The following ATP6V1H variants were observed in gnomAD, a reference collection of about 807,000 sequenced individuals.
ATP6V1H encodes V-type proton ATPase subunit H.
In ATP6V1H, 39 loss-of-function variants were observed where a neutral mutation model predicts 71.7. The observed-to-expected ratio is 0.54, with a 90% CI of 0.42 to 0.71. The LOEUF is 0.71. Among genes scored for constraint, ATP6V1H ranks in the 30% least tolerant of loss-of-function variants. The pLI is 0.00. For missense variants in ATP6V1H, 509 were observed against 594.9 expected (o/e 0.86, Z 1.50); for synonymous variants, 192 against 199.3 (o/e 0.96, Z 0.31).
Position 53,841,658 on chromosome 8 carries a change from A to G in ATP6V1H, c.33T>C (p.Asp11=). 6.2e-7 allele frequency: 1 copy of G among 1,614,114 alleles called. No individual in the cohort carries two copies. Among genetic ancestry groups the G allele is most frequent in the Non-Finnish European group, 8.5e-7 (1 of 1,179,940 alleles). ...CAATAATATTGGTGGGGACAGCAGC[A>G]TCCACAGCACCTCGGATATCCATTT... MTKMDIRGAV[D]AAVPTNIIAA... is the part of the protein sequence containing the mutation. The change falls in exon 2 of 14, where the codon GAT becomes GAC. Residue 11 remains aspartate, a synonymous_variant. Transcript: ENST00000359530.
intron 9 of ATP6V1H, among the ~76,000 whole-genome samples, chr8:53,774,035 T>C (rs1340985409): frequency 6.6e-6 from 1 of 152,172 alleles, no homozygotes; most frequent in Non-Finnish European, 1.5e-5. Flanking sequence ...TGTTATGTAT[T>C]ATCAAATGGC....
chr8:53,740,233 A>G (rs1807364609), intron 13 of ATP6V1H, among the ~76,000 whole-genome samples: 2 of 152,248 alleles, frequency 1.3e-5, no homozygotes, highest in African/African-American at 4.8e-5. Context: ...AGTAACATAA[A>G]TTACACTTAA....
At chr8:53,818,584 C>T (rs1216237652) in intron 4 of ATP6V1H, among the ~76,000 whole-genome samples, 1 of 152,052 alleles carries the variant, frequency 6.6e-6, no homozygotes, top group Non-Finnish European at 1.5e-5. Flanking sequence ...TCAGATGAGC[C>T]ATCATTGCTT....
At chr8:53,842,837 T>A (rs1261759225) in intron 1 of ATP6V1H, 197 bp downstream of exon 1, 1 of 152,116 alleles carries the variant, frequency 6.6e-6, no homozygotes, top group Non-Finnish European at 1.5e-5. Flanking sequence ...TTCTTCCCCC[T>A]GCGAGAAAGG....
intron 13 of ATP6V1H, among the ~76,000 whole-genome samples, chr8:53,716,915 T>A (rs1326987664): frequency 6.6e-6 from 1 of 152,190 alleles, no homozygotes; most frequent in Non-Finnish European, 1.5e-5. Context: ...ATTTAAAAGT[T>A]TTCCTCTTAT....
Position 53,795,748 on chromosome 8 carries a change from A to C in ATP6V1H, c.769T>G (p.Cys257Gly). 6.2e-7 allele frequency: 1 copy of C among 1,614,114 alleles called. No individual in the cohort carries two copies. Among genetic ancestry groups the C allele is most frequent in the Non-Finnish European group, 8.5e-7 (1 of 1,179,988 alleles). ...ATATTATAGCGCCGCAGGTGTTCAC[A>C]CATTTGAGGACTGAATGCCAGGAGC... ...IWLLAFSPQM[C>G]EHLRRYNIIP... Residue 257 changes from cysteine to glycine, a missense_variant, in exon 9 of 14, where the codon TGT (cysteine) becomes GGT (glycine). By Grantham distance (159) the Cys-to-Gly change is radical (BLOSUM62 -3). Coordinates refer to ENST00000359530, the MANE Select transcript of ATP6V1H (RefSeq NM_015941.4).
chr8:53,782,967 C>G (rs1406560337), intron 9 of ATP6V1H, among the ~76,000 whole-genome samples: 5 of 152,146 alleles, frequency 3.3e-5, no homozygotes, highest in Admixed American at 3.3e-4. Context: ...AGGATTTTTG[C>G]ATCAATGTTC....
At chr8:53,783,284 T>TA (rs1809236400) in intron 9 of ATP6V1H, among the ~76,000 whole-genome samples, 1 of 152,256 alleles carries the variant, frequency 6.6e-6, no homozygotes, top group African/African-American at 2.4e-5. Flanking sequence ...GGTGTATGTG[T>TA]CTAGGAATTT....
At chr8:53,795,034 G>A (rs965994547) in intron 9 of ATP6V1H, among the ~76,000 whole-genome samples, 5 of 152,060 alleles carry the variant, frequency 3.3e-5, no homozygotes, top group Non-Finnish European at 7.4e-5. Context: ...AAAATTATCA[G>A]TAGACAATTG....
At chr8:53,741,063 G>A (rs1429800437) in intron 13 of ATP6V1H, among the ~76,000 whole-genome samples, 1 of 152,082 alleles carries the variant, frequency 6.6e-6, no homozygotes, top group African/African-American at 2.4e-5. Flanking sequence ...CATATAATTA[G>A]AAAGAGAGAG....
chr8:53,766,550 A>C (rs912093543), intron 11 of ATP6V1H, among the ~76,000 whole-genome samples: 1 of 152,264 alleles, frequency 6.6e-6, no homozygotes, highest in African/African-American at 2.4e-5. Context: ...TGAGCAGGGC[A>C]GAACAGAGCC....
chr8:53,782,837 A>G (rs1809209451), intron 9 of ATP6V1H, among the ~76,000 whole-genome samples: 2 of 152,344 alleles, frequency 1.3e-5, no homozygotes, highest in South Asian at 2.1e-4. Flanking sequence ...TATATGCTAG[A>G]TTACGTTTAT....
chr8:53,794,287 A>G (rs997522114), intron 9 of ATP6V1H, among the ~76,000 whole-genome samples: 1 of 152,222 alleles, frequency 6.6e-6, no homozygotes, highest in Admixed American at 6.5e-5. Flanking sequence ...AAACATCTGA[A>G]AGATGCTAGT....
intron 11 of ATP6V1H, among the ~76,000 whole-genome samples, chr8:53,764,457 G>A (rs1267331009): frequency 6.6e-6 from 1 of 151,816 alleles, no homozygotes; most frequent in Non-Finnish European, 1.5e-5. Context: ...AAAATTATTT[G>A]ACAAATTTAA....
chr8:53,751,682 T>C (rs901181755), intron 12 of ATP6V1H, among the ~76,000 whole-genome samples: 3 of 151,952 alleles, frequency 2.0e-5, no homozygotes, highest in South Asian at 2.1e-4. Flanking sequence ...TCTTTTTTTT[T>C]TTTTCGAGAC....
At chr8:53,839,966 G>A (rs1811289622) in intron 2 of ATP6V1H, 1 of 968,622 alleles carries the variant, frequency 1.0e-6, no homozygotes, top group Non-Finnish European at 1.2e-6. Context: ...TGCATTGCCT[G>A]CCTCCAAAAC....
Position 53,838,856 on chromosome 8 carries a change from CA to C in ATP6V1H, c.113+2721del, listed in dbSNP as rs547280515. Among the ~76,000 whole-genome samples the C allele has an allele frequency of 3.0e-3, 450 of 152,322 alleles. 3 individuals are homozygous for C. The highest frequency in any genetic ancestry group is 0.01 in the African/African-American group (428 of 41,566). On this transcript the variant is annotated intron_variant, in intron 2 of 13. Transcript: ENST00000359530. ...GACGCTTCCACAGGTCTTATTATCTCAGTACAGAATGTGATAGAAGATTCAC... is the reference window on the plus strand; with the variant it reads ...GACGCTTCCACAGGTCTTATTATCTCGTACAGAATGTGATAGAAGATTCAC...
chr8:53,793,204 A>G (rs927355498), intron 9 of ATP6V1H, among the ~76,000 whole-genome samples: 1 of 152,256 alleles, frequency 6.6e-6, no homozygotes, highest in Non-Finnish European at 1.5e-5. Flanking sequence ...AATTTAAAAC[A>G]ATGATTTAGT....
At chr8:53,754,997 G>T (rs1402634892) in intron 12 of ATP6V1H, among the ~76,000 whole-genome samples, 1 of 152,190 alleles carries the variant, frequency 6.6e-6, no homozygotes, top group Non-Finnish European at 1.5e-5. Flanking sequence ...GGGTGCAGGG[G>T]CTACCATTAT....
Sources: allele counts gnomAD v4.1 joint callset (sites outside exome capture counted in the v4.1 genomes callset), GRCh38; gene constraint gnomAD v4.1.1; transcripts MANE v1.5; gene names NCBI Gene and HGNC (gene_info 2026-07-23, HGNC 2026-07-21).